Variants in RAB37 observed in about 807,000 individuals in gnomAD.
RAB37 encodes ras-related protein Rab-37.
RAB37 carries 29 observed loss-of-function variants against 33.1 expected under a neutral mutation model. The ratio of observed to expected loss-of-function variants is 0.88; its 90% CI spans 0.65 to 1.20. RAB37 has a LOEUF of 1.20. Among genes scored for constraint, RAB37 ranks in the 50% most tolerant of loss-of-function variants. RAB37 has a pLI of 0.00. For missense variants in RAB37, 299 were observed against 301.1 expected (o/e 0.99, Z 0.05); for synonymous variants, 128 against 119.5 (o/e 1.07, Z -0.47).
chr17:74,707,867 A>G (rs1470383046), intron 1 of RAB37, among the ~76,000 whole-genome samples: 2 of 152,172 alleles, frequency 1.3e-5, no homozygotes, highest in Non-Finnish European at 2.9e-5. Context: ...GATGGAATAA[A>G]CAAATTCCTA....
At chr17:74,743,079 T>G (rs750474558) in intron 3 of RAB37, 50 bp from the exon 4 acceptor site, 6 of 1,555,034 alleles carry the variant, frequency 3.9e-6, no homozygotes, top group Non-Finnish European at 2.7e-6. Flanking sequence ...CCCAGCACAT[T>G]CCTTGCACCT....
intron 2 of RAB37, among the ~76,000 whole-genome samples, chr17:74,731,989 A>C (rs1039326882): frequency 1.4e-4 from 21 of 151,932 alleles, no homozygotes; most frequent in Non-Finnish European, 2.4e-4. Flanking sequence ...CAGCCTGGGC[A>C]ACAGAGTGAG....
In RAB37 at chr17:74,683,435, C is replaced by T. The variant is rs531719761; in HGVS notation, c.72+11777C>T. On this transcript the variant is annotated intron_variant, in intron 1 of 7. Coordinates refer to the RAB37 transcript ENST00000340415. ...TGAATTTTTCCATTGCTGTGTAGGG[C>T]GTGTCAGCCCAGGGCTACATGAACA... Among the ~76,000 whole-genome samples the T allele has an allele frequency of 3.3e-5, 5 of 152,250 alleles. 1 individual carries two copies. In the East Asian group the frequency reaches 5.8e-4, roughly 18 times the overall value.
chr17:74,692,934 C>G (rs2032190757), intron 1 of RAB37, among the ~76,000 whole-genome samples: 1 of 152,188 alleles, frequency 6.6e-6, no homozygotes, highest in South Asian at 2.1e-4. Flanking sequence ...ATGTGCCAGA[C>G]AGTAACTAGG....
chr17:74,727,655 G>A (rs1418839417), intron 1 of RAB37, among the ~76,000 whole-genome samples: 7 of 152,358 alleles, frequency 4.6e-5, no homozygotes, highest in East Asian at 3.9e-4. Context: ...GGGGACCATC[G>A]GTCATGGATG....
chr17:74,728,519 TG>T (rs1293674875), intron 1 of RAB37, among the ~76,000 whole-genome samples: 1 of 152,128 alleles, frequency 6.6e-6, no homozygotes, highest in African/African-American at 2.4e-5. Context: ...TGTGCATGTG[TG>T]TTTCTCTGTG....
intron 1 of RAB37, among the ~76,000 whole-genome samples, chr17:74,686,422 G>A (rs563835110): frequency 7.3e-5 from 11 of 151,122 alleles, no homozygotes; most frequent in African/African-American, 2.4e-4. Context: ...ATGGAGTCTC[G>A]CTCTGTTGCC....
intron 1 of RAB37, among the ~76,000 whole-genome samples, chr17:74,673,419 G>GA (rs869113081): frequency 7.9e-6 from 1 of 127,028 alleles, no homozygotes. Context: ...AAAAAAAAAA[G>GA]AAAAAAAAAG....
intron 1 of RAB37, among the ~76,000 whole-genome samples, chr17:74,701,760 G>A (rs1021532196): frequency 1.0e-4 from 15 of 149,306 alleles, no homozygotes; most frequent in Non-Finnish European, 1.2e-4. Flanking sequence ...TGAGGTATGA[G>A]AATCACATGA....
intron 1 of RAB37, among the ~76,000 whole-genome samples, chr17:74,682,177 T>C (rs1448204363): frequency 1.2e-4 from 19 of 152,216 alleles, no homozygotes; most frequent in Admixed American, 1.2e-3. Context: ...TGATCAGGAC[T>C]CTCGATTTCC....
chr17:74,721,230 G>A (rs2034235253), intron 1 of RAB37, among the ~76,000 whole-genome samples: 2 of 152,182 alleles, frequency 1.3e-5, no homozygotes, highest in African/African-American at 4.8e-5. Context: ...TGGAGCCATC[G>A]CCAGGACCTC....
chr17:74,711,543 T>C (rs908078414), intron 1 of RAB37, among the ~76,000 whole-genome samples: 8 of 152,192 alleles, frequency 5.3e-5, no homozygotes, highest in Non-Finnish European at 1.0e-4. Flanking sequence ...CCCAAGACCT[T>C]TTCTCCAATC....
intron 1 of RAB37, among the ~76,000 whole-genome samples, chr17:74,692,003 C>T (rs1042147313): frequency 6.6e-6 from 1 of 151,670 alleles, no homozygotes; most frequent in Non-Finnish European, 1.5e-5. Context: ...GTAGCTAGGA[C>T]TACAGGCACC....
chr17:74,688,159 G>A (rs887803106), intron 1 of RAB37, among the ~76,000 whole-genome samples: 2 of 152,192 alleles, frequency 1.3e-5, no homozygotes, highest in Non-Finnish European at 2.9e-5. Context: ...TCTCACAGTT[G>A]TGGTACCTGG....
intron 1 of RAB37, among the ~76,000 whole-genome samples, chr17:74,693,919 ACT>A (rs752693497): frequency 4.4e-4 from 67 of 151,204 alleles, no homozygotes; most frequent in Non-Finnish European, 8.6e-4. Flanking sequence ...ACAGAGTGAG[ACT>A]CTTTCTCAAA....
chr17:74,693,002 A>G (rs1199274059), intron 1 of RAB37, among the ~76,000 whole-genome samples: 1 of 152,240 alleles, frequency 6.6e-6, no homozygotes, highest in Non-Finnish European at 1.5e-5. Flanking sequence ...CACACAGCCT[A>G]GTGGAGATGG....
rs2033501930 is a variant in RAB37 at position 74,706,281 on chromosome 17, AAAT to A, written c.73-22973_73-22971del. On this transcript the variant is annotated intron_variant, in intron 1 of 7. Coordinates refer to the RAB37 transcript ENST00000340415. ...TAAAAAACATTTTAAAGGAAAAAAA[AAAT>A]ATATATATATATATATCCCAAAGTG... Among the ~76,000 whole-genome samples, 8 of 145,404 alleles carry A rather than the reference AAAT, an allele frequency of 5.5e-5. No individual in the cohort carries two copies. The South Asian group carries it at 1.8e-3, about 32-fold the overall frequency.
At chr17:74,679,984 A>G (rs2031919534) in intron 1 of RAB37, among the ~76,000 whole-genome samples, 1 of 135,264 alleles carries the variant, frequency 7.4e-6, no homozygotes, top group Non-Finnish European at 1.7e-5. Context: ...TCTCAAAAAA[A>G]AAAAAAAAAA....
intron 1 of RAB37, among the ~76,000 whole-genome samples, chr17:74,701,902 C>T (rs908724566): frequency 1.3e-5 from 2 of 150,256 alleles, no homozygotes; most frequent in Non-Finnish European, 1.5e-5. Flanking sequence ...GACTATAGTT[C>T]CCCCAGCTAC....
Sources: gnomAD v4.1 joint callset for allele counts (sites outside exome capture counted in the v4.1 genomes callset) on GRCh38, gnomAD v4.1.1 for gene constraint, MANE v1.5 for transcripts, NCBI Gene and HGNC (gene_info 2026-07-23, HGNC 2026-07-21) for gene names.